The following ERICH2 variants were observed in gnomAD, a reference collection of about 807,000 sequenced individuals.
ERICH2 encodes glutamate-rich protein 2.
A neutral mutation model predicts 17.4 loss-of-function variants in ERICH2; 17 were observed. The ratio of observed to expected loss-of-function variants is 0.98; its 90% CI spans 0.67 to 1.47. The LOEUF is 1.47. ERICH2 is among the 40% of genes most tolerant of loss of function. The pLI is 0.00. For synonymous variants in ERICH2, 51 were observed against 61.1 expected, an observed-to-expected ratio of 0.83 and a Z score of 0.77; for missense variants, 186 against 183.2, an observed-to-expected ratio of 1.01 and a Z score of -0.09.
At chr2:170,778,828 C>G (rs17694726), upstream of ERICH2, among the ~76,000 whole-genome samples, 3,255 of 151,994 alleles carry the variant, frequency 0.021, 125 homozygotes, top group Admixed American at 0.1. Flanking sequence ...ATCAATGAGC[C>G]CCAATGTTCT....
intron 1 of ERICH2, among the ~76,000 whole-genome samples, chr2:170,784,143 GCACTCAAAATCATA>G (rs879496424): frequency 3.3e-5 from 5 of 152,024 alleles, no homozygotes; most frequent in Non-Finnish European, 7.4e-5. Context: ...GACTTCCCAG[GCACTCAAAATCATA>G]CAAGAAGGGG....
intron 4 of ERICH2, 47 bp downstream of exon 9, chr2:170,798,159 A>G: frequency 1.6e-6 from 2 of 1,239,466 alleles, no homozygotes; most frequent in Non-Finnish European, 2.3e-6. Context: ...AACTATAAGC[A>G]GTCACTTTAA....
the ERICH2 span, among the ~76,000 whole-genome samples, chr2:170,770,387 C>A: frequency 1.0e-3 from 152 of 152,308 alleles, no homozygotes; most frequent in African/African-American, 3.6e-3. Context: ...CGTGGCAGAG[C>A]AGCAGCTCTG....
intron 2 of ERICH2, among the ~76,000 whole-genome samples, chr2:170,787,585 T>C (rs989189443): frequency 6.6e-6 from 1 of 152,224 alleles, no homozygotes; most frequent in Non-Finnish European, 1.5e-5. Flanking sequence ...CAGATTCAGA[T>C]AGTTTCTTCA....
At chr2:170,772,929 C>T in the ERICH2 span, among the ~76,000 whole-genome samples, 1 of 152,146 alleles carries the variant, frequency 6.6e-6, no homozygotes, top group Non-Finnish European at 1.5e-5. Flanking sequence ...TAATGTCTTC[C>T]AATATTACAA....
chr2:170,783,819 G>T (rs1297588675), exon 1 of ERICH2: 29 of 1,550,418 alleles, frequency 1.9e-5, no homozygotes, highest in Non-Finnish European at 2.3e-5. Context: ...ACACTGGACA[G>T]TCAGGGTGGT....
chr2:170,776,957 T>G, the ERICH2 span, among the ~76,000 whole-genome samples: 1 of 151,990 alleles, frequency 6.6e-6, no homozygotes, highest in Admixed American at 6.6e-5. Flanking sequence ...TTCTCTAGAT[T>G]TTTTTAAAAC....
At chr2:170,780,151 ATAT>A (rs140302549), upstream of ERICH2, among the ~76,000 whole-genome samples, 1,784 of 152,310 alleles carry the variant, frequency 0.012, 48 homozygotes, top group African/African-American at 0.04. Flanking sequence ...TTTCCAAAGA[ATAT>A]TATTGCATAA....
chr2:170,781,641 A>G (rs1006917437), upstream of ERICH2, among the ~76,000 whole-genome samples: 112 of 152,104 alleles, frequency 7.4e-4, no homozygotes, highest in African/African-American at 2.3e-3. Context: ...TAAAAAAAAA[A>G]AAAAAAAGAC....
At chr2:170,784,280 A>G (rs867811530) in intron 1 of ERICH2, among the ~76,000 whole-genome samples, 1 of 152,246 alleles carries the variant, frequency 6.6e-6, no homozygotes, top group African/African-American at 2.4e-5. Flanking sequence ...TTACTTTAAT[A>G]GAAGTATATT....
chr2:170,785,130 T>G (rs1259355465), intron 2 of ERICH2, among the ~76,000 whole-genome samples: 1 of 152,108 alleles, frequency 6.6e-6, no homozygotes, highest in East Asian at 1.9e-4. Context: ...AATTGTAATA[T>G]TCCCAGCACA....
the ERICH2 span, among the ~76,000 whole-genome samples, chr2:170,772,704 A>C: frequency 6.6e-5 from 10 of 152,314 alleles, no homozygotes; most frequent in African/African-American, 2.4e-4. Context: ...TTGTTCCTGC[A>C]TCATGTAATG....
chr2:170,773,370 T>C, the ERICH2 span, among the ~76,000 whole-genome samples: 5 of 152,252 alleles, frequency 3.3e-5, no homozygotes, highest in Non-Finnish European at 5.9e-5. Context: ...CTCACTGTTA[T>C]AATCTTTGCA....
At chr2:170,786,177 A>G (rs1399510428) in intron 2 of ERICH2, among the ~76,000 whole-genome samples, 4 of 152,090 alleles carry the variant, frequency 2.6e-5, no homozygotes, top group African/African-American at 4.8e-5. Flanking sequence ...CCTTTACCCA[A>G]AAAACTTCCT....
chr2:170,787,488 A>T (rs1701184536), intron 2 of ERICH2, among the ~76,000 whole-genome samples: 1 of 152,142 alleles, frequency 6.6e-6, no homozygotes. Flanking sequence ...AGGACCTTCC[A>T]CTCTGGCTGG....
chr2:170,788,679 A>AT (rs1559253917), intron 2 of ERICH2, among the ~76,000 whole-genome samples: 1 of 152,042 alleles, frequency 6.6e-6, no homozygotes, highest in Non-Finnish European at 1.5e-5. Flanking sequence ...GGGTTTCACC[A>AT]TGTTGGCCAG....
At chr2:170,783,908 AAGAACT>A (rs1701085362) in intron 1 of ERICH2, 2 of 1,550,296 alleles carry the variant, frequency 1.3e-6, no homozygotes, top group African/African-American at 2.7e-5. Context: ...ATACTCTTGG[AAGAACT>A]TGATATTCCT....
At chr2:170,788,496 G>A (rs929443142) in intron 2 of ERICH2, among the ~76,000 whole-genome samples, 43 of 151,764 alleles carry the variant, frequency 2.8e-4, no homozygotes, top group Non-Finnish European at 5.1e-4. Flanking sequence ...TTTTCGAGAC[G>A]GAGTCTTGCT....
upstream of ERICH2, chr2:170,780,009 A>AGCATGGG (rs1700991295): frequency 4.6e-6 from 1 of 219,290 alleles, no homozygotes; most frequent in Non-Finnish European, 7.7e-6. Context: ...GGGACACTAA[A>AGCATGGG]TATACCCAAC....
Sources: allele counts gnomAD v4.1 joint callset (sites outside exome capture counted in the v4.1 genomes callset), GRCh38; gene constraint gnomAD v4.1.1; transcripts MANE v1.5; gene names NCBI Gene and HGNC (gene_info 2026-07-23, HGNC 2026-07-21).